DDX21: variants seen among roughly 807,000 people sequenced by gnomAD.
DDX21 encodes nucleolar RNA helicase 2.
Under a neutral mutation model 90.0 loss-of-function variants are expected in DDX21, and 18 were observed. The ratio of observed to expected loss-of-function variants is 0.20; its 90% CI spans 0.14 to 0.30. DDX21 has a LOEUF of 0.30. DDX21 is among the 10% of genes least tolerant of loss of function. The pLI is 1.00. For synonymous variants in DDX21, 294 were observed against 318.0 expected, an observed-to-expected ratio of 0.92 and a Z score of 0.80; for missense variants, 673 against 944.5, an observed-to-expected ratio of 0.71 and a Z score of 3.77.
chr10:68,962,476 C>T (rs888314079), intron 3 of DDX21, among the ~76,000 whole-genome samples: 2 of 152,228 alleles, frequency 1.3e-5, no homozygotes, highest in African/African-American at 4.8e-5. Context: ...TAGCTGGGCA[C>T]GTGGTAACAC....
chr10:68,956,288 G>A lies in DDX21; in HGVS notation c.63G>A (p.Glu21=). 1 of 1,614,218 alleles carries A rather than the reference G, an allele frequency of 6.2e-7. No individual in the cohort carries two copies. Among genetic ancestry groups the A allele is most frequent in the Non-Finnish European group, 8.5e-7 (1 of 1,180,032 alleles). The change falls in exon 1 of 15, where the codon GAG becomes GAA. Residue 21 remains glutamate (E), a synonymous_variant. Transcript: ENST00000354185. ...LESDTAMKKG[E]TLRKQTEEKE... is the part of the protein sequence containing the mutation. The stretch of plus-strand genomic sequence containing the variant: ...CAGACACCGCAATGAAAAAAGGGGA[G>A]ACACTGCGAAAGCAAACCGAGGAGG...
At chr10:68,968,629 ATAG>A (rs1842975410) in intron 6 of DDX21, among the ~76,000 whole-genome samples, 1 of 152,240 alleles carries the variant, frequency 6.6e-6, no homozygotes, top group African/African-American at 2.4e-5. Flanking sequence ...ACAAACAAAA[ATAG>A]TAGCTGGACT....
Position 68,962,162 on chromosome 10 carries a change from T to A in DDX21, c.607+5T>A, listed in dbSNP as rs1172822022. On this transcript the variant is annotated splice_donor_5th_base_variant and intron_variant, in intron 3 of 14. Transcript: ENST00000354185. Reference sequence around the variant, plus strand: ...AAACTATTAAACTTCTCAAAGGTAATGTTCTTGGAAATATCGTATGATGTT... The same window carrying A: ...AAACTATTAAACTTCTCAAAGGTAAAGTTCTTGGAAATATCGTATGATGTT... 1 of 1,586,722 alleles carries A rather than the reference T, an allele frequency of 6.3e-7. No individual in the cohort carries two copies. Among genetic ancestry groups the A allele is most frequent in the African/African-American group, 1.4e-5 (1 of 73,880 alleles).
intron 11 of DDX21, among the ~76,000 whole-genome samples, chr10:68,976,931 TC>T (rs1843109812): frequency 6.6e-6 from 1 of 152,152 alleles, no homozygotes; most frequent in African/African-American, 2.4e-5. Flanking sequence ...GAGGTCTTTT[TC>T]TTATTTCTTT....
In DDX21 at chr10:68,982,932, C is replaced by G. The variant is rs1440518851; in HGVS notation, c.*120C>G. On this transcript the variant is annotated 3_prime_UTR_variant, in exon 15 of 15. Coordinates refer to ENST00000354185, the MANE Select transcript of DDX21 (RefSeq NM_004728.4). Reference sequence around the variant, plus strand: ...CCTCCTTTTGACCACTTGCCAAGTCCCTGTCTCTTTCAGACACAGACAAGC... The same window carrying G: ...CCTCCTTTTGACCACTTGCCAAGTCGCTGTCTCTTTCAGACACAGACAAGC... The G allele has an allele frequency of 7.9e-7, 1 of 1,266,356 alleles. No homozygotes were observed. The highest frequency in any genetic ancestry group is 2.6e-5 in the Admixed American group (1 of 38,536). 78.4% of individuals were successfully genotyped at this position (1,266,356 alleles called of 1,614,324 possible). A position where few individuals can be genotyped will look rare whatever the true frequency, so the allele number is the denominator to read the frequency against.
intron 1 of DDX21, among the ~76,000 whole-genome samples, chr10:68,958,436 A>T (rs1023581871): frequency 8.4e-6 from 1 of 118,912 alleles, no homozygotes; most frequent in Non-Finnish European, 1.8e-5. Flanking sequence ...CTGGCTAATT[A>T]AAAAAAAAAT....
intron 12 of DDX21, 68 bp downstream of exon 12, chr10:68,977,756 A>C (rs1329481625): frequency 1.4e-6 from 2 of 1,437,706 alleles, no homozygotes; most frequent in Non-Finnish European, 1.9e-6. Flanking sequence ...AAAGGGTTTC[A>C]TTTAAGCTTC....
intron 13 of DDX21, among the ~76,000 whole-genome samples, chr10:68,979,293 T>C (rs1843152912): frequency 6.6e-6 from 1 of 152,210 alleles, no homozygotes; most frequent in South Asian, 2.1e-4. Flanking sequence ...ACTGGACTTA[T>C]TCAGAATCTT....
chr10:68,958,088 C>A (rs950497655), intron 1 of DDX21, among the ~76,000 whole-genome samples: 40 of 151,990 alleles, frequency 2.6e-4, no homozygotes, highest in Admixed American at 2.6e-3. Context: ...GTTTTTATAA[C>A]TTTTTGTTTC....
At chr10:68,957,089 G>T (rs1220411608) in intron 1 of DDX21, among the ~76,000 whole-genome samples, 1 of 151,840 alleles carries the variant, frequency 6.6e-6, no homozygotes, top group Admixed American at 6.6e-5. Context: ...AGACTGGAGA[G>T]GTCTTAACTT....
Position 68,963,423 on chromosome 10 carries a change from A to C in DDX21, c.740A>C (p.Lys247Thr), listed in dbSNP as rs749093622. 1.2e-6 allele frequency: 2 copies of C among 1,614,076 alleles called. No homozygotes were observed. Among genetic ancestry groups the C allele is most frequent in the South Asian group, 2.2e-5 (2 of 91,068 alleles). The stretch of plus-strand genomic sequence containing the variant: ...TCCTTTGCCATCCCTTTGATTGAGA[A>C]ACTTCATGGGGAACTGCAAGACAGG... ...TFSFAIPLIE[K>T]LHGELQDRKR... is the part of the protein sequence containing the mutation. Residue 247 changes from lysine (K) to threonine (T), a missense_variant, in exon 4 of 15, where the codon AAA (lysine) becomes ACA (threonine). Physicochemically the swap from Lys to Thr is moderately conservative, Grantham distance 78 (BLOSUM62 -1). Around this residue, in one of 4 missense-constraint regions of DDX21, gnomAD observed 218 missense variants for 347.3 expected, o/e 0.63. Coordinates refer to ENST00000354185, the MANE Select transcript of DDX21 (RefSeq NM_004728.4).
intron 4 of DDX21, chr10:68,964,191 T>C (rs746299895): frequency 1.3e-5 from 5 of 373,392 alleles, no homozygotes; most frequent in South Asian, 4.0e-5. Flanking sequence ...GGTGAGTCCA[T>C]TGGGTTCATT....
intron 1 of DDX21, among the ~76,000 whole-genome samples, chr10:68,957,549 C>T (rs895223265): frequency 6.6e-6 from 1 of 152,168 alleles, no homozygotes; most frequent in African/African-American, 2.4e-5. Flanking sequence ...GAAGCCGCGG[C>T]AGATTTGTAC....
chr10:68,963,134 A>T (rs951041100), intron 3 of DDX21, among the ~76,000 whole-genome samples, 157 bp from the exon 4 acceptor site: 2 of 152,196 alleles, frequency 1.3e-5, no homozygotes, highest in Middle Eastern at 3.2e-3. Context: ...TCTCTTAAAA[A>T]ATATACGTAT....
intron 8 of DDX21, among the ~76,000 whole-genome samples, chr10:68,971,506 A>G (rs2132088864): frequency 6.6e-6 from 1 of 152,206 alleles, no homozygotes; most frequent in South Asian, 2.1e-4. Flanking sequence ...TGGGCCTCCC[A>G]AAGTGCATGA....
chr10:68,974,846 A>T (rs78275262), intron 11 of DDX21, 103 bp downstream of exon 11: 32 of 874,984 alleles, frequency 3.7e-5, no homozygotes, highest in Non-Finnish European at 4.6e-5. Flanking sequence ...TTTTTTTAAA[A>T]TTTTTGAGAC....
chr10:68,975,901 T>A (rs1843090978), intron 11 of DDX21, among the ~76,000 whole-genome samples: 1 of 151,576 alleles, frequency 6.6e-6, no homozygotes, highest in African/African-American at 2.4e-5. Flanking sequence ...TACAAAAAAA[T>A]AGCCAGGCGT....
chr10:68,965,044 C>T (rs571095065), intron 4 of DDX21, among the ~76,000 whole-genome samples: 1 of 152,228 alleles, frequency 6.6e-6, no homozygotes, highest in East Asian at 1.9e-4. Context: ...TTTTGTTCTG[C>T]TTCAAATTTT....
At position 68,967,101 on chromosome 10, in the gene DDX21, C is replaced by T; in HGVS notation, c.988C>T (p.Leu330Phe). Residue 330 changes from leucine to phenylalanine, a missense_variant, in exon 6 of 15, where the codon CTC (leucine) becomes TTC (phenylalanine). Physicochemically the swap from Leu to Phe is conservative, Grantham distance 22. Around this residue, in one of 4 missense-constraint regions of DDX21, gnomAD observed 218 missense variants for 347.3 expected, o/e 0.63. Coordinates refer to ENST00000354185, the MANE Select transcript of DDX21 (RefSeq NM_004728.4). ...CCACATACAGAATGGCAAACTAGAT[C>T]TCACCAAACTTAAGCATGTTGTCCT... Reference protein sequence around the residue: ...KDHIQNGKLDLTKLKHVVLDE... With the variant: ...KDHIQNGKLDFTKLKHVVLDE... The T allele has an allele frequency of 1.9e-6, 3 of 1,612,214 alleles. No homozygotes were observed. The highest frequency in any genetic ancestry group is 2.5e-6 in the Non-Finnish European group (3 of 1,179,502).
Sources: allele counts gnomAD v4.1 joint callset (sites outside exome capture counted in the v4.1 genomes callset), GRCh38; gene constraint gnomAD v4.1.1; regional missense constraint gnomAD v4.1.1; transcripts MANE v1.5; gene names NCBI Gene and HGNC (gene_info 2026-07-23, HGNC 2026-07-21).